The following POLR3H variants were observed in gnomAD, a reference collection of about 807,000 sequenced individuals.
POLR3H encodes the protein DNA-directed RNA polymerase III subunit RPC8.
In POLR3H, 17 loss-of-function variants were observed where a neutral mutation model predicts 25.5. The observed-to-expected ratio is 0.67, with a 90% confidence interval of 0.46 to 1.00. The LOEUF is 1.00. POLR3H is among the 50% of genes least tolerant of loss of function. POLR3H has a pLI of 0.00. For synonymous variants in POLR3H, 129 were observed against 103.0 expected (o/e 1.25, Z -1.53); for missense variants, 274 against 265.0 (o/e 1.03, Z -0.24).
At chr22:41,537,886 G>A (rs1252040963) in intron 2 of POLR3H, among the ~76,000 whole-genome samples, 1 of 151,920 alleles carries the variant, frequency 6.6e-6, no homozygotes, top group East Asian at 1.9e-4. Flanking sequence ...GGCCTCCTGG[G>A]TTCAAGCGAT....
In POLR3H at chr22:41,530,725, C is replaced by G; in HGVS notation, c.523G>C (p.Glu175Gln). 6.2e-7 allele frequency: 1 copy of G among 1,613,802 alleles called. No homozygotes were observed. Among genetic ancestry groups the G allele is most frequent in the South Asian group, 1.1e-5 (1 of 91,066 alleles). The change falls in exon 5 of 6, where the codon GAG becomes CAG. Residue 175 changes from glutamate (E) to glutamine (Q), a missense_variant. Transcript: ENST00000355209. ...PSSADATTSS[E>Q]ELPKKEAPYT... is the part of the protein sequence containing the mutation. Reference sequence around the variant, plus strand: ...GGAGCCTCCTTCTTTGGCAGCTCCTCACTGGAAGTGGTGGCATCTGCTGAG... The same window carrying G: ...GGAGCCTCCTTCTTTGGCAGCTCCTGACTGGAAGTGGTGGCATCTGCTGAG...
At chr22:41,537,965 ATTTT>A (rs564442384) in intron 2 of POLR3H, among the ~76,000 whole-genome samples, 8 of 127,720 alleles carry the variant, frequency 6.3e-5, no homozygotes, top group African/African-American at 2.3e-4. Context: ...GACCTGGCTA[ATTTT>A]TTTTTTTTTT....
intron 1 of POLR3H, 146 bp from the exon 2 acceptor site, chr22:41,540,941 C>T: frequency 1.6e-6 from 1 of 642,258 alleles, no homozygotes; most frequent in Admixed American, 2.6e-5. Flanking sequence ...GTGGAGGGGA[C>T]CAGGGTAAGG....
In POLR3H at chr22:41,528,511, G is replaced by C. The variant is rs1232405288; in HGVS notation, c.*772C>G. 3 of 1,612,634 alleles carry C rather than the reference G, an allele frequency of 1.9e-6. No homozygotes were observed. The highest frequency in any genetic ancestry group is 2.5e-6 in the Non-Finnish European group (3 of 1,180,026). The stretch of plus-strand genomic sequence containing the variant: ...AGTGCATCATCAAGCACCCCAACGG[G>C]ACCCAGGAGACCATCCTCCTGAACC... On this transcript the variant is annotated 3_prime_UTR_variant, in exon 6 of 6. Transcript: ENST00000355209.
At chr22:41,541,663 A>G (rs540610081) in intron 1 of POLR3H, among the ~76,000 whole-genome samples, 6 of 152,324 alleles carry the variant, frequency 3.9e-5, no homozygotes, top group Admixed American at 3.9e-4. Context: ...ATCAAATACT[A>G]GAAGACTTGT....
chr22:41,529,807 G>A (rs2066687923), intron 5 of POLR3H: 1 of 423,726 alleles, frequency 2.4e-6, no homozygotes, highest in Non-Finnish European at 4.7e-6. Context: ...CCGGGCTGGA[G>A]TGGAGTGGCA....
intron 2 of POLR3H, chr22:41,533,724 T>G (rs1367520251): frequency 7.7e-7 from 1 of 1,303,730 alleles, no homozygotes; most frequent in South Asian, 1.2e-5. Flanking sequence ...ACAGCCACCA[T>G]GAAGATGACT....
intron 2 of POLR3H, 141 bp downstream of exon 2, chr22:41,540,558 G>C (rs1427591479): frequency 1.4e-6 from 1 of 732,196 alleles, no homozygotes; most frequent in Non-Finnish European, 2.5e-6. Context: ...GCCCAGGCTG[G>C]CCTTGAACTC....
At chr22:41,536,354 C>T (rs1243577998) in intron 2 of POLR3H, among the ~76,000 whole-genome samples, 1 of 151,558 alleles carries the variant, frequency 6.6e-6, no homozygotes, top group Non-Finnish European at 1.5e-5. Flanking sequence ...GAGATCACGC[C>T]ACTGCACTCC....
In POLR3H at chr22:41,528,055, G is replaced by A. The variant is rs2066641360; in HGVS notation, c.*1228C>T. ...GCCCGGGTCCCCCTGAGGTGGTGGG[G>A]TGAGGGGCAGCCACCTTGTTTCCCC... On this transcript the variant is annotated 3_prime_UTR_variant, in exon 6 of 6. Coordinates refer to ENST00000355209, the MANE Select transcript of POLR3H (RefSeq NM_001018050.4). 2 of 1,613,556 alleles carry A rather than the reference G, an allele frequency of 1.2e-6. No homozygotes were observed. Among genetic ancestry groups the A allele is most frequent in the Non-Finnish European group, 1.7e-6 (2 of 1,179,912 alleles).
chr22:41,527,606 G>C lies in POLR3H; in HGVS notation c.*1677C>G. The C allele has an allele frequency of 1.1e-6, 1 of 891,428 alleles. No individual in the cohort carries two copies. Among genetic ancestry groups the C allele is most frequent in the Non-Finnish European group, 1.7e-6 (1 of 602,252 alleles). The allele number at this position is 891,428 out of a possible 1,614,324, so 55.2% of individuals were successfully genotyped here. A position where few individuals can be genotyped will look rare whatever the true frequency, so the allele number is the denominator to read the frequency against. On this transcript the variant is annotated 3_prime_UTR_variant, in exon 6 of 6. Coordinates refer to ENST00000355209, the MANE Select transcript of POLR3H (RefSeq NM_001018050.4). ...CCGACGCTCAGCTTCCCGGCTTCCCGCAGGCCCTGCTTCCAGGCTTGTAGA... is the reference window on the plus strand; with the variant it reads ...CCGACGCTCAGCTTCCCGGCTTCCCCCAGGCCCTGCTTCCAGGCTTGTAGA...
In POLR3H at chr22:41,525,821, C is replaced by T. The variant is rs546748777; in HGVS notation, c.*3462G>A. Reference sequence around the variant, plus strand: ...GCCTTTTTGGTGTGGCCAGAGGCCTCCAATCTGTGTCAGATATTTATTTAT... The same window carrying T: ...GCCTTTTTGGTGTGGCCAGAGGCCTTCAATCTGTGTCAGATATTTATTTAT... On this transcript the variant is annotated 3_prime_UTR_variant, in exon 6 of 6. Transcript: ENST00000355209. The T allele has an allele frequency of 5.0e-6, 1 of 198,466 alleles. No individual in the cohort carries two copies. Among genetic ancestry groups the T allele is most frequent in the African/African-American group, 2.4e-5 (1 of 42,386 alleles). 12.3% of individuals were successfully genotyped at this position (198,466 alleles called of 1,614,324 possible). A position where few individuals can be genotyped will look rare whatever the true frequency, so the allele number is the denominator to read the frequency against.
rs1390453397 is a variant in POLR3H at position 41,528,682 on chromosome 22, C to G, written c.*601G>C. 7 of 1,577,288 alleles carry G rather than the reference C, an allele frequency of 4.4e-6. No homozygotes were observed. The highest frequency in any genetic ancestry group is 1.7e-5 in the Admixed American group (1 of 57,730). ...CACGTGTGCCATCAGTGGATCCGAT[C>G]CGTCCAGCCATGGCTTCCTATTCCA... On this transcript the variant is annotated 3_prime_UTR_variant, in exon 6 of 6. Transcript: ENST00000355209.
intron 2 of POLR3H, among the ~76,000 whole-genome samples, chr22:41,538,214 A>G (rs1045774229): frequency 6.7e-6 from 1 of 149,970 alleles, no homozygotes; most frequent in Non-Finnish European, 1.5e-5. Context: ...GTTCACTGCA[A>G]GCTCCGCCTC....
Position 41,544,174 on chromosome 22 carries a change from C to T in POLR3H, c.-73G>A, listed in dbSNP as rs1308698119. 2 of 941,650 alleles carry T rather than the reference C, an allele frequency of 2.1e-6. No individual in the cohort carries two copies. The highest frequency in any genetic ancestry group is 1.7e-6 in the Non-Finnish European group (1 of 605,176). The allele number at this position is 941,650 out of a possible 1,614,324, so 58.3% of individuals were successfully genotyped here. A position where few individuals can be genotyped will look rare whatever the true frequency, so the allele number is the denominator to read the frequency against. ...CAGGGCCGGGGGCAGGGAGAATCCC[C>T]GAGCCCCTTGGTCCCGTCCCAGTCG... On this transcript the variant is annotated 5_prime_UTR_variant, in exon 1 of 6. Coordinates refer to ENST00000355209, the MANE Select transcript of POLR3H (RefSeq NM_001018050.4).
At chr22:41,537,177 C>T (rs1316215758) in intron 2 of POLR3H, among the ~76,000 whole-genome samples, 1 of 152,108 alleles carries the variant, frequency 6.6e-6, no homozygotes, top group East Asian at 1.9e-4. Context: ...CAAAGGCCAT[C>T]ATCTGTGAGC....
At position 41,544,434 on chromosome 22, in the gene POLR3H, C is replaced by CCTCG; in HGVS notation, c.-334_-333insCGAG. 4.8e-6 allele frequency: 1 copy of CCTCG among 208,788 alleles called. No individual in the cohort carries two copies. The highest frequency in any genetic ancestry group is 9.4e-6 in the Non-Finnish European group (1 of 106,812). The allele number at this position is 208,788 out of a possible 1,614,324, so 12.9% of individuals were successfully genotyped here. A position where few individuals can be genotyped will look rare whatever the true frequency, so the allele number is the denominator to read the frequency against. ...CGCCGCTCGTATCACGCACCACGCACCACGCACCGCGCACAGCCGCTCGCG... is the reference window on the plus strand; with the variant it reads ...CGCCGCTCGTATCACGCACCACGCACCTCGCACGCACCGCGCACAGCCGCTCGCG... On this transcript the variant is annotated 5_prime_UTR_variant, in exon 1 of 6. Transcript: ENST00000355209.
chr22:41,538,786 C>T (rs938245100), intron 2 of POLR3H, among the ~76,000 whole-genome samples: 3 of 152,180 alleles, frequency 2.0e-5, no homozygotes, highest in Non-Finnish European at 4.4e-5. Flanking sequence ...GGCCTCTCGG[C>T]GTACCATGGT....
At chr22:41,532,456 G>C in intron 3 of POLR3H, 2 of 934,268 alleles carry the variant, frequency 2.1e-6, no homozygotes, top group Admixed American at 5.6e-5. Flanking sequence ...CTGAAGTCCT[G>C]AGTGACGGCC....
Sources: allele counts gnomAD v4.1 joint callset (sites outside exome capture counted in the v4.1 genomes callset), GRCh38; gene constraint gnomAD v4.1.1; transcripts MANE v1.5; gene names NCBI Gene and HGNC (gene_info 2026-07-23, HGNC 2026-07-21).